Variants in PRSS23 observed in about 807,000 individuals in gnomAD.
PRSS23 encodes protease, serine 23.
Under a neutral mutation model 34.7 loss-of-function variants are expected in PRSS23, and 25 were observed. That is an observed-to-expected ratio of 0.72 (90% CI 0.53 to 1.01). The LOEUF is 1.01. Ranked by LOEUF, PRSS23 falls within the 50% of genes least tolerant of loss-of-function variation. The pLI is 0.00. For synonymous variants in PRSS23, 176 were observed against 186.6 expected (o/e 0.94, Z 0.46); for missense variants, 445 against 475.6 (o/e 0.94, Z 0.60).
chr11:86,931,969 T>G (rs1320630316), intron 2 of PRSS23, among the ~76,000 whole-genome samples: 1 of 152,174 alleles, frequency 6.6e-6, no homozygotes, highest in Non-Finnish European at 1.5e-5. Context: ...ACAATAAAAC[T>G]TCATGCAAAC....
intron 2 of PRSS23, chr11:86,857,957 C>T (rs910619135): frequency 2.7e-5 from 11 of 402,110 alleles, no homozygotes; most frequent in African/African-American, 1.9e-4. Context: ...CTCCCAGTAT[C>T]GCAGGGGGTT....
rs191460870 is a variant in PRSS23 at position 86,883,605 on chromosome 11, C to T, written c.206+60012C>T. Among the ~76,000 whole-genome samples, 11 of 152,228 alleles carry T rather than the reference C, an allele frequency of 7.2e-5. 1 individual carries two copies. The highest frequency in any genetic ancestry group is 3.9e-4 in the Admixed American group (6 of 15,290). Reference sequence around the variant, plus strand: ...ATGGGCAAAGATTTCATGATGAAGACGCCAAAAGCAAATTCAATAAAAGCA... The same window carrying T: ...ATGGGCAAAGATTTCATGATGAAGATGCCAAAAGCAAATTCAATAAAAGCA... On this transcript the variant is annotated intron_variant, in intron 2 of 2. Transcript: ENST00000533902.
chr11:86,877,488 T>C (rs1948732621), intron 2 of PRSS23, among the ~76,000 whole-genome samples: 1 of 152,224 alleles, frequency 6.6e-6, no homozygotes, highest in African/African-American at 2.4e-5. Context: ...AGGCTTTTTC[T>C]ATTTTGAATT....
chr11:86,838,136 A>G (rs1299036537), intron 2 of PRSS23, among the ~76,000 whole-genome samples: 1 of 151,440 alleles, frequency 6.6e-6, no homozygotes, highest in African/African-American at 2.4e-5. Context: ...AGTACACTTC[A>G]TGTGTTTACA....
intron 2 of PRSS23, chr11:86,945,710 A>AAGG (rs1949236948): frequency 6.5e-6 from 1 of 152,686 alleles, no homozygotes; most frequent in Admixed American, 6.5e-5. Context: ...CCTTTAATAC[A>AAGG]AAATTAAATA....
intron 2 of PRSS23, chr11:86,832,989 A>C (rs1948372276): frequency 2.5e-6 from 1 of 406,054 alleles, no homozygotes; most frequent in South Asian, 2.1e-5. Flanking sequence ...TGCAGCTGGG[A>C]GTCTAAAAGA....
At chr11:86,939,027 C>T (rs1473957860) in intron 2 of PRSS23, 3 of 450,260 alleles carry the variant, frequency 6.7e-6, no homozygotes, top group Admixed American at 4.8e-5. Flanking sequence ...CAGAGCTTCA[C>T]ATTTTTCATC....
intron 2 of PRSS23, among the ~76,000 whole-genome samples, chr11:86,824,379 T>TAAAAAAAATAAAAA: frequency 2.0e-5 from 3 of 147,588 alleles, no homozygotes; most frequent in African/African-American, 7.4e-5. Flanking sequence ...ATAAATAAAA[T>TAAAAAAAATAAAAA]AAAAAAACAA....
At chr11:86,840,180 A>G (rs1177280535) in intron 2 of PRSS23, among the ~76,000 whole-genome samples, 2 of 152,320 alleles carry the variant, frequency 1.3e-5, no homozygotes, top group South Asian at 2.1e-4. Context: ...GTCAAGACCC[A>G]TCAGTGTGCT....
chr11:86,875,376 AT>A (rs1948716269), intron 2 of PRSS23, among the ~76,000 whole-genome samples: 1 of 152,122 alleles, frequency 6.6e-6, no homozygotes, highest in East Asian at 1.9e-4. Flanking sequence ...TGTCTCAAAA[AT>A]ATATATATAA....
At chr11:86,926,684 T>C (rs1427193306) in intron 2 of PRSS23, among the ~76,000 whole-genome samples, 1 of 152,144 alleles carries the variant, frequency 6.6e-6, no homozygotes, top group Non-Finnish European at 1.5e-5. Context: ...TGTTTCCAAG[T>C]ACAAAAACCT....
At chr11:86,802,799 C>T (rs1004297782) in intron 1 of PRSS23, among the ~76,000 whole-genome samples, 3 of 152,144 alleles carry the variant, frequency 2.0e-5, no homozygotes, top group African/African-American at 4.8e-5. Flanking sequence ...ACTAAGGTGC[C>T]GTGCAGGAGA....
At chr11:86,937,094 C>G (rs899440677) in intron 2 of PRSS23, 2 of 152,172 alleles carry the variant, frequency 1.3e-5, no homozygotes, top group African/African-American at 4.8e-5. Context: ...GATTACGAAC[C>G]TCTCTACTGA....
intron 2 of PRSS23, among the ~76,000 whole-genome samples, chr11:86,856,370 C>T (rs181507212): frequency 2.0e-5 from 3 of 151,298 alleles, no homozygotes; most frequent in East Asian, 1.9e-4. Context: ...GCAAGTAAAT[C>T]GGAATGTCAG....
At chr11:86,883,733 G>A (rs1160607695) in intron 2 of PRSS23, among the ~76,000 whole-genome samples, 1 of 152,116 alleles carries the variant, frequency 6.6e-6, no homozygotes, top group African/African-American at 2.4e-5. Context: ...TTCCCTCCAA[G>A]CATTGCTTTT....
intron 2 of PRSS23, chr11:86,823,702 GGTTTCATCAA>G: frequency 1.5e-6 from 1 of 660,048 alleles, no homozygotes; most frequent in South Asian, 1.7e-5. Flanking sequence ...ATGTCACATT[GGTTTCATCAA>G]GAATTCAGAG....
chr11:86,805,931 C>T (rs544998712), intron 1 of PRSS23, among the ~76,000 whole-genome samples: 12 of 152,260 alleles, frequency 7.9e-5, no homozygotes, highest in South Asian at 2.1e-4. Flanking sequence ...CCACCCCTTC[C>T]GGGTCCTTGT....
At chr11:86,886,311 C>G (rs943046630) in intron 2 of PRSS23, among the ~76,000 whole-genome samples, 1 of 152,194 alleles carries the variant, frequency 6.6e-6, no homozygotes, top group Admixed American at 6.5e-5. Context: ...AGGCCACACT[C>G]CCTTCAGGGA....
At chr11:86,861,343 C>T (rs568535139) in intron 2 of PRSS23, among the ~76,000 whole-genome samples, 4 of 151,226 alleles carry the variant, frequency 2.6e-5, no homozygotes, top group East Asian at 2.0e-4. Context: ...CAATATCTTG[C>T]GCACCGTTTT....
Sources: allele counts gnomAD v4.1 joint callset (sites outside exome capture counted in the v4.1 genomes callset), GRCh38; gene constraint gnomAD v4.1.1; transcripts MANE v1.5; gene names NCBI Gene and HGNC (gene_info 2026-07-23, HGNC 2026-07-21).